The following WDR41 variants were observed in gnomAD, a reference collection of about 807,000 sequenced individuals.
WDR41 encodes WD repeat-containing protein 41.
Under a neutral mutation model 69.3 loss-of-function variants are expected in WDR41, and 63 were observed. The observed-to-expected ratio is 0.91, with a 90% CI of 0.74 to 1.12. The LOEUF (loss-of-function observed/expected upper bound fraction) is 1.12. Ranked by LOEUF, WDR41 falls within the 50% of genes most tolerant of loss-of-function variation. The pLI is 0.00. For missense variants in WDR41, 543 were observed against 534.5 expected, an observed-to-expected ratio of 1.02 and a Z score of -0.16; for synonymous variants, 185 against 192.1, an observed-to-expected ratio of 0.96 and a Z score of 0.31.
intron 4 of WDR41, 80 bp from the exon 5 acceptor site, chr5:77,459,204 C>A (rs1263695397): frequency 8.7e-6 from 9 of 1,035,638 alleles, no homozygotes; most frequent in Non-Finnish European, 1.0e-5. Context: ...AATTAAGCCA[C>A]AAATGTTAAG....
intron 1 of WDR41, among the ~76,000 whole-genome samples, chr5:77,614,278 CA>C (rs1198728056): frequency 4.0e-5 from 6 of 151,330 alleles, no homozygotes; most frequent in African/African-American, 7.3e-5. Flanking sequence ...CCATTTGACC[CA>C]GCCATCCCAT....
intron 1 of WDR41, among the ~76,000 whole-genome samples, chr5:77,557,323 G>A (rs1353073681): frequency 6.6e-6 from 1 of 152,098 alleles, no homozygotes; most frequent in African/African-American, 2.4e-5. Context: ...TCTGGGAGAA[G>A]TGATTTGTTA....
At chr5:77,480,417 A>T (rs1305241796) in intron 2 of WDR41, among the ~76,000 whole-genome samples, 1 of 152,198 alleles carries the variant, frequency 6.6e-6, no homozygotes, top group Non-Finnish European at 1.5e-5. Flanking sequence ...AGGACTTGGA[A>T]CCAACCCAAA....
chr5:77,471,210 G>C (rs1213156538), intron 2 of WDR41, among the ~76,000 whole-genome samples: 2 of 152,190 alleles, frequency 1.3e-5, no homozygotes, highest in African/African-American at 2.4e-5. Flanking sequence ...CAGAAATAAA[G>C]ATGTTCTTTG....
At chr5:77,544,253 AC>A (rs1348942795) in intron 1 of WDR41, among the ~76,000 whole-genome samples, 1 of 152,082 alleles carries the variant, frequency 6.6e-6, no homozygotes, top group Non-Finnish European at 1.5e-5. Flanking sequence ...AAAAACAAAA[AC>A]AAAAAAACAA....
intron 2 of WDR41, among the ~76,000 whole-genome samples, chr5:77,471,853 G>A (rs998947110): frequency 6.6e-6 from 1 of 152,100 alleles, no homozygotes; most frequent in African/African-American, 2.4e-5. Context: ...AGAGGTACAA[G>A]GAGAAGCTGG....
chr5:77,559,431 C>A (rs1345652087), intron 1 of WDR41, among the ~76,000 whole-genome samples: 1 of 151,998 alleles, frequency 6.6e-6, no homozygotes, highest in African/African-American at 2.4e-5. Context: ...TGTTTAACAA[C>A]AGGCTGGCAA....
At chr5:77,444,780 G>A (rs406068) in intron 8 of WDR41, among the ~76,000 whole-genome samples, 82,680 of 152,092 alleles carry the variant, frequency 0.54, 22,799 homozygotes, top group African/African-American at 0.62. Context: ...ACTGTCAGCA[G>A]ATCATTTTCA....
At chr5:77,436,602 CCCCTAGTCA>C (rs1402390172) in intron 11 of WDR41, among the ~76,000 whole-genome samples, 1 of 152,162 alleles carries the variant, frequency 6.6e-6, no homozygotes, top group African/African-American at 2.4e-5. Flanking sequence ...CTTTTTATTG[CCCCTAGTCA>C]CCCACTGGTG....
chr5:77,550,708 A>G (rs1166083717), intron 1 of WDR41, among the ~76,000 whole-genome samples: 1 of 152,232 alleles, frequency 6.6e-6, no homozygotes, highest in Non-Finnish European at 1.5e-5. Flanking sequence ...CAGAACTGCC[A>G]TTTGACCCAG....
At chr5:77,601,058 A>G (rs760792973) in intron 1 of WDR41, among the ~76,000 whole-genome samples, 12 of 151,912 alleles carry the variant, frequency 7.9e-5, no homozygotes, top group African/African-American at 2.2e-4. Flanking sequence ...AAATTCAAAC[A>G]CTAGAGTTCT....
upstream of WDR41, among the ~76,000 whole-genome samples, chr5:77,496,126 A>G (rs1043012787): frequency 6.6e-6 from 1 of 152,094 alleles, no homozygotes; most frequent in Non-Finnish European, 1.5e-5. Context: ...TCAATAGGAT[A>G]AAAAGTAATT....
chr5:77,601,978 T>C (rs191419472), intron 1 of WDR41, among the ~76,000 whole-genome samples: 25 of 152,338 alleles, frequency 1.6e-4, no homozygotes, highest in Non-Finnish European at 2.9e-4. Context: ...TCAAGTCCTC[T>C]TTATAGCTAT....
At chr5:77,450,338 G>C (rs1799575645) in intron 7 of WDR41, among the ~76,000 whole-genome samples, 1 of 152,146 alleles carries the variant, frequency 6.6e-6, no homozygotes, top group African/African-American at 2.4e-5. Flanking sequence ...TTTTTAAAAA[G>C]CTTCTGATTC....
intron 1 of WDR41, among the ~76,000 whole-genome samples, chr5:77,568,345 G>A (rs1338403520): frequency 6.6e-6 from 1 of 152,136 alleles, no homozygotes; most frequent in East Asian, 1.9e-4. Flanking sequence ...TTTGTGCCAG[G>A]ATTTTCACTG....
chr5:77,606,898 T>C (rs1245671904), intron 1 of WDR41, among the ~76,000 whole-genome samples: 2 of 130,992 alleles, frequency 1.5e-5, no homozygotes, highest in Non-Finnish European at 3.2e-5. Context: ...AAGCATTCAA[T>C]GAAAAAGAAA....
At chr5:77,527,443 T>C (rs1802465735) in intron 1 of WDR41, among the ~76,000 whole-genome samples, 1 of 151,722 alleles carries the variant, frequency 6.6e-6, no homozygotes, top group African/African-American at 2.4e-5. Flanking sequence ...ACAAAAGATA[T>C]AATAATGATA....
intron 1 of WDR41, among the ~76,000 whole-genome samples, chr5:77,558,113 A>C (rs895103732): frequency 8.0e-5 from 12 of 149,134 alleles, no homozygotes; most frequent in East Asian, 5.9e-4. Context: ...AAAAAAAAAA[A>C]AAACAAAACA....
Position 77,492,234 on chromosome 5 carries a change from G to A in WDR41, c.-14C>T. Reference sequence around the variant, plus strand: ...CCATCGCAACATCCGGGCAGCGGCGGCGTCTTGCCCGGTCCAGCCCCAGTC... The same window carrying A: ...CCATCGCAACATCCGGGCAGCGGCGACGTCTTGCCCGGTCCAGCCCCAGTC... On this transcript the variant is annotated 5_prime_UTR_variant, in exon 1 of 13. Transcript: ENST00000296679. 6.2e-7 allele frequency: 1 copy of A among 1,612,588 alleles called. No homozygotes were observed. The highest frequency in any genetic ancestry group is 8.5e-7 in the Non-Finnish European group (1 of 1,179,638).
Sources: gnomAD v4.1 joint callset for allele counts (sites outside exome capture counted in the v4.1 genomes callset) on GRCh38, gnomAD v4.1.1 for gene constraint, MANE v1.5 for transcripts, NCBI Gene and HGNC (gene_info 2026-07-23, HGNC 2026-07-21) for gene names.